SH3BP1: variants seen among roughly 807,000 people sequenced by gnomAD.
SH3BP1 encodes SH3 domain-binding protein 1.
SH3BP1 carries 46 observed loss-of-function variants against 69.8 expected under a neutral mutation model. The ratio of observed to expected loss-of-function variants is 0.66; its 90% CI spans 0.52 to 0.84. SH3BP1 has a LOEUF of 0.84. SH3BP1 is among the 40% of genes least tolerant of loss of function. The pLI, the probability that SH3BP1 is intolerant of heterozygous loss-of-function variation, is 0.00. For synonymous variants in SH3BP1, 403 were observed against 378.0 expected (o/e 1.07, Z -0.77); for missense variants, 868 against 930.9 (o/e 0.93, Z 0.88).
rs200388121 is a variant in SH3BP1, at chr22:37,646,880, G to A, written c.987G>A (p.Ser329=). ...AGCGTCTCAAGCAGACAATGGCCTCGGACCCCCACAGCCTGGAGGAGTTCT... is the reference window on the plus strand; with the variant it reads ...AGCGTCTCAAGCAGACAATGGCCTCAGACCCCCACAGCCTGGAGGAGTTCT... ...VLKRLKQTMA[S]DPHSLEEFCS... is the part of the protein sequence containing the mutation. Residue 329 remains serine, a synonymous_variant, in exon 11 of 18, where the codon TCG becomes TCA. Coordinates refer to ENST00000649765, the MANE Select transcript of SH3BP1 (RefSeq NM_018957.6). 9.6e-5 allele frequency: 150 copies of A among 1,564,240 alleles called. 1 individual carries two copies. The East Asian group carries it at 2.3e-3, about 24-fold the overall frequency.
chr22:37,643,795 G>T lies in SH3BP1; in HGVS notation c.618+7G>T. 5.0e-6 allele frequency: 8 copies of T among 1,612,226 alleles called. No homozygotes were observed. Among genetic ancestry groups the T allele is most frequent in the Non-Finnish European group, 6.8e-6 (8 of 1,179,838 alleles). On this transcript the variant is annotated splice_region_variant and intron_variant, in intron 7 of 17. Coordinates refer to ENST00000649765, the MANE Select transcript of SH3BP1 (RefSeq NM_018957.6). Reference sequence around the variant, plus strand: ...GAAAGTGGAGCAATGCAGGGTGAGGGCCATGGGGGTCCCCTGGATATGTAG... The same window carrying T: ...GAAAGTGGAGCAATGCAGGGTGAGGTCCATGGGGGTCCCCTGGATATGTAG...
intron 10 of SH3BP1, among the ~76,000 whole-genome samples, chr22:37,645,774 A>G (rs1160045843): frequency 2.6e-5 from 4 of 152,092 alleles, no homozygotes; most frequent in African/African-American, 9.7e-5. Flanking sequence ...AGAGGTAACC[A>G]TGCCCAGAGT....
rs113285751 is a variant in SH3BP1 at position 37,646,551 on chromosome 22, C to T, written c.925-267C>T. Among the ~76,000 whole-genome samples, 527 of 152,316 alleles carry T rather than the reference C, an allele frequency of 3.5e-3. 3 individuals are homozygous for T. Among genetic ancestry groups the T allele is most frequent in the African/African-American group, 0.012 (501 of 41,570 alleles). On this transcript the variant is annotated intron_variant, in intron 10 of 17. Coordinates refer to ENST00000649765, the MANE Select transcript of SH3BP1 (RefSeq NM_018957.6). ...GATTACAGGCGTGAGCCACTGCACC[C>T]GGCCCCTCCCTTCCACTTCTGACTG...
In SH3BP1 at chr22:37,643,649, G is replaced by A; in HGVS notation, c.479G>A (p.Ser160Asn). The A allele has an allele frequency of 6.2e-7, 1 of 1,614,182 alleles. No individual in the cohort carries two copies. Among genetic ancestry groups the A allele is most frequent in the Non-Finnish European group, 8.5e-7 (1 of 1,180,046 alleles). The change falls in exon 7 of 18, where the codon AGT becomes AAT. Residue 160 changes from serine (S) to asparagine (N), a missense_variant. By Grantham distance (46) the Ser-to-Asn change is conservative. Transcript: ENST00000649765. ...SDWNTLKSRLSQATKNSGSSQ... is the reference protein window; with the variant it reads ...SDWNTLKSRLNQATKNSGSSQ... ...CACCTTGGGATCATCTCCAGGCTCA[G>A]TCAGGCAACCAAGAATTCAGGCAGC...
chr22:37,651,673 T>C (rs1028287707), intron 16 of SH3BP1, among the ~76,000 whole-genome samples: 3 of 152,084 alleles, frequency 2.0e-5, no homozygotes, highest in African/African-American at 7.2e-5. Context: ...GGCTTCGTGG[T>C]ACCGTGGTGC....
chr22:37,645,005 G>A, intron 9 of SH3BP1, 45 bp downstream of exon 9: 1 of 1,550,862 alleles, frequency 6.4e-7, no homozygotes, highest in Non-Finnish European at 8.9e-7. Flanking sequence ...ACCCTGCCCT[G>A]CTCGGGGCTT....
chr22:37,647,592 C>G, intron 13 of SH3BP1, 71 bp downstream of exon 13: 1 of 1,280,450 alleles, frequency 7.8e-7, no homozygotes, highest in South Asian at 1.4e-5. Flanking sequence ...CCCTGGGACC[C>G]TGGGCTTGAG....
chr22:37,647,396 G>T (rs771219161), intron 12 of SH3BP1, 45 bp from the exon 13 acceptor site: 4 of 1,612,948 alleles, frequency 2.5e-6, no homozygotes, highest in Non-Finnish European at 3.4e-6. Flanking sequence ...AGGATGCAAA[G>T]GTGTAGCCCT....
rs1417533209 is a variant in SH3BP1, at chr22:37,655,338, C to T, written c.1760C>T (p.Pro587Leu). ...CAGGTCTCCGGCTCCCGCTCCTCCC[C>T]TCCAGCCCCGCCCTTGCCCCCTGGC... The part of the protein sequence containing the change: ...PPQVSGSRSS[P>L]PAPPLPPGSG... Residue 587 changes from proline to leucine, a missense_variant, in exon 18 of 18, where the codon CCT (proline) becomes CTT (leucine). Coordinates refer to ENST00000649765, the MANE Select transcript of SH3BP1 (RefSeq NM_018957.6). The T allele has an allele frequency of 6.7e-7, 1 of 1,501,050 alleles. No homozygotes were observed. Among genetic ancestry groups the T allele is most frequent in the Non-Finnish European group, 8.9e-7 (1 of 1,120,508 alleles). The allele number at this position is 1,501,050 out of a possible 1,614,324, so 93.0% of individuals were successfully genotyped here.
intron 8 of SH3BP1, 68 bp from the exon 9 acceptor site, chr22:37,644,802 C>A: frequency 6.2e-7 from 1 of 1,602,482 alleles, no homozygotes; most frequent in Non-Finnish European, 8.6e-7. Context: ...GGGGCGTCTG[C>A]TCTCAAGGAC....
chr22:37,645,624 C>T, intron 10 of SH3BP1, 114 bp downstream of exon 10: 5 of 1,264,766 alleles, frequency 4.0e-6, no homozygotes, highest in Non-Finnish European at 5.4e-6. Context: ...AGCCCAGCTC[C>T]CTGGGAGAAG....
intron 13 of SH3BP1, 33 bp from the exon 14 acceptor site, chr22:37,648,286 C>A: frequency 6.8e-7 from 1 of 1,474,728 alleles, no homozygotes; most frequent in Non-Finnish European, 9.3e-7. Context: ...TGGGTGCGTT[C>A]TGCCCCTGGC....
rs754534426 is a variant in SH3BP1, at chr22:37,655,975, G to A, written c.*291G>A. ...AGGAGAGGTTTGCCTGCTCCTACGG[G>A]ACTGATTCTTCTCTTGCCGACATGT... On this transcript the variant is annotated 3_prime_UTR_variant, in exon 18 of 18. Coordinates refer to ENST00000649765, the MANE Select transcript of SH3BP1 (RefSeq NM_018957.6). The A allele has an allele frequency of 4.6e-6, 7 of 1,534,970 alleles. No individual in the cohort carries two copies. The highest frequency in any genetic ancestry group is 1.4e-5 in the African/African-American group (1 of 73,594).
rs1451624575 is a variant in SH3BP1 at position 37,647,532 on chromosome 22, G to A, written c.1199+11G>A. 1.3e-6 allele frequency: 2 copies of A among 1,587,366 alleles called. No individual in the cohort carries two copies. Among genetic ancestry groups the A allele is most frequent in the Admixed American group, 3.4e-5 (2 of 58,114 alleles). ...CCTCAGCAACCTCAGGTGAGCCCGA[G>A]CCCGCCTCCCCAGCCTGCCGCAGAG... is the stretch of plus-strand genomic sequence containing the variant. On this transcript the variant is annotated intron_variant, in intron 13 of 17. Transcript: ENST00000649765.
intron 14 of SH3BP1, chr22:37,648,660 T>TTTAGTGGC: frequency 2.0e-6 from 1 of 506,288 alleles, no homozygotes; most frequent in East Asian, 3.1e-5. Flanking sequence ...TGATGAGGTG[T>TTTAGTGGC]TTAGTGGCAT....
chr22:37,643,372 G>A, intron 6 of SH3BP1, 198 bp downstream of exon 6: 1 of 661,100 alleles, frequency 1.5e-6, no homozygotes, highest in Non-Finnish European at 2.6e-6. Context: ...GTCACAGCTG[G>A]TGCTGGGGCA....
chr22:37,653,623 G>A (rs1218261613), intron 16 of SH3BP1, among the ~76,000 whole-genome samples, 156 bp from the exon 17 acceptor site: 1 of 152,098 alleles, frequency 6.6e-6, no homozygotes, highest in African/African-American at 2.4e-5. Context: ...AATGCCAGAA[G>A]CATCTTCTGG....
rs755212956 is a variant in SH3BP1, at chr22:37,641,454, C to T, written c.183C>T (p.Ser61=). 2.9e-5 allele frequency: 45 copies of T among 1,550,924 alleles called. No individual in the cohort carries two copies. The highest frequency in any genetic ancestry group is 1.5e-4 in the South Asian group (13 of 84,060). The change falls in exon 3 of 18, where the codon AGC becomes AGT. Residue 61 remains serine, a synonymous_variant. Transcript: ENST00000649765. ...KRLQACLQGQ[S]GADMDKRVKK... is the part of the protein sequence containing the mutation. ...TGCAGGCCTGTCTGCAGGGCCAGAG[C>T]GGGGCAGACATGGACAAGCGGGTGG...
rs909367988 is a variant in SH3BP1 at position 37,650,479 on chromosome 22, G to C, written c.1415-63G>C. ...GTTCAGGGGAAGGGGAAACGGTCCC[G>C]GCCAGTGGAGTGAGGAGCCTGGCGC... On this transcript the variant is annotated intron_variant, in intron 15 of 17. Transcript: ENST00000649765. 3 of 1,554,038 alleles carry C rather than the reference G, an allele frequency of 1.9e-6. No homozygotes were observed. The Admixed American group carries it at 5.5e-5, about 28-fold the overall frequency.
Sources: gnomAD v4.1 joint callset for allele counts (sites outside exome capture counted in the v4.1 genomes callset) on GRCh38, gnomAD v4.1.1 for gene constraint, MANE v1.5 for transcripts, NCBI Gene and HGNC (gene_info 2026-07-23, HGNC 2026-07-21) for gene names.